Variants in BACH1 observed in about 807,000 individuals in gnomAD.
The protein encoded by BACH1 is BTB domain and CNC homolog 1, also known as transcription regulator protein BACH1.
A neutral mutation model predicts 52.9 loss-of-function variants in BACH1; 35 were observed. That is an observed-to-expected ratio of 0.66 (90% CI 0.51 to 0.88). BACH1 has a LOEUF of 0.88. BACH1 is among the 40% of genes least tolerant of loss of function. The probability of loss-of-function intolerance (pLI) is 0.00; values close to 1 mark genes in which losing one functional copy is unlikely to be tolerated. For missense variants in BACH1, 808 were observed against 872.6 expected (o/e 0.93, Z 0.93); for synonymous variants, 321 against 319.6 (o/e 1.00, Z -0.05).
chr21:29,318,359 A>G (rs2123429880), intron 1 of BACH1, among the ~76,000 whole-genome samples: 1 of 152,312 alleles, frequency 6.6e-6, no homozygotes, highest in East Asian at 1.9e-4. Context: ...CAGCTGAGGA[A>G]GGAATGAGGA....
intron 1 of BACH1, among the ~76,000 whole-genome samples, chr21:29,301,202 TAG>T (rs1304007454): frequency 1.3e-5 from 2 of 152,206 alleles, no homozygotes; most frequent in Admixed American, 1.3e-4. Context: ...TTGTAAGTAT[TAG>T]GGCCTCCAAG....
intron 2 of BACH1, among the ~76,000 whole-genome samples, chr21:29,322,239 T>C (rs892448491): frequency 2.6e-5 from 4 of 152,152 alleles, no homozygotes; most frequent in African/African-American, 9.7e-5. Flanking sequence ...AGCCAAACCA[T>C]ATCACTAGGT....
intron 4 of BACH1, among the ~76,000 whole-genome samples, chr21:29,330,441 A>G (rs2088967502): frequency 6.6e-6 from 1 of 151,990 alleles, no homozygotes; most frequent in Non-Finnish European, 1.5e-5. Flanking sequence ...CGGCCTCCCA[A>G]AGGGATTTCA....
chr21:29,355,903 G>A (rs2089231687), intron 2 of BACH1, among the ~76,000 whole-genome samples: 1 of 152,148 alleles, frequency 6.6e-6, no homozygotes, highest in African/African-American at 2.4e-5. Flanking sequence ...TACTATCCCT[G>A]ACTGATTAGT....
At chr21:29,361,314 G>A (rs557643550) in intron 2 of BACH1, 1 of 152,162 alleles carries the variant, frequency 6.6e-6, no homozygotes, top group Non-Finnish European at 1.5e-5. Flanking sequence ...CAATAATTGG[G>A]TTAAGGCTTG....
intron 1 of BACH1, among the ~76,000 whole-genome samples, chr21:29,308,970 C>G (rs1011569594): frequency 2.0e-5 from 3 of 152,074 alleles, no homozygotes; most frequent in Non-Finnish European, 4.4e-5. Context: ...GAAATTAATT[C>G]ACCAGACCCG....
intron 1 of BACH1, among the ~76,000 whole-genome samples, chr21:29,316,210 A>G (rs1449904560): frequency 6.6e-6 from 1 of 152,180 alleles, no homozygotes; most frequent in African/African-American, 2.4e-5. Flanking sequence ...CCTTTAAATA[A>G]ATTATATAAT....
chr21:29,331,468 A>T (rs1371987674), intron 4 of BACH1, among the ~76,000 whole-genome samples: 5 of 152,254 alleles, frequency 3.3e-5, no homozygotes, highest in African/African-American at 7.2e-5. Flanking sequence ...ATTATCCTTT[A>T]GAACTACTCT....
At position 29,329,562 on chromosome 21, in the gene BACH1, A is replaced by G; in HGVS notation, c.1645A>G (p.Lys549Glu). 3 of 1,605,418 alleles carry G rather than the reference A, an allele frequency of 1.9e-6. No individual in the cohort carries two copies. Among genetic ancestry groups the G allele is most frequent in the Non-Finnish European group, 2.5e-6 (3 of 1,177,252 alleles). ...TTTTCAGTCCTTGTTGAAAATGCACAAGCTTACTCCAGAACAGCTGGATTG... is the reference window on the plus strand; with the variant it reads ...TTTTCAGTCCTTGTTGAAAATGCACGAGCTTACTCCAGAACAGCTGGATTG... ...NDFQSLLKMH[K>E]LTPEQLDCIH... Residue 549 changes from lysine (K) to glutamate (E), a missense_variant, in exon 4 of 5, where the codon AAG becomes GAG. Coordinates refer to ENST00000286800, the MANE Select transcript of BACH1 (RefSeq NM_001186.4).
chr21:29,330,529 GTTTACTCCTCTTTCT>G (rs2088968476), intron 4 of BACH1, among the ~76,000 whole-genome samples: 1 of 152,022 alleles, frequency 6.6e-6, no homozygotes, highest in Non-Finnish European at 1.5e-5. Flanking sequence ...AAATTGATTA[GTTTACTCCTCTTTCT>G]TTTTTCCGTT....
chr21:29,326,900 A>G lies in BACH1; in HGVS notation c.1076A>G (p.Lys359Arg). Residue 359 changes from lysine (K) to arginine (R), a missense_variant, in exon 3 of 5, where the codon AAA (lysine) becomes AGA (arginine). Coordinates refer to ENST00000286800, the MANE Select transcript of BACH1 (RefSeq NM_001186.4). ...KPLSGTDVQE[K>R]TFGESQDLPL... ...TTGTCAGGTACAGACGTCCAAGAAA[A>G]AACATTTGGTGAAAGTCAGGATTTA... 1 of 1,614,240 alleles carries G rather than the reference A, an allele frequency of 6.2e-7. No homozygotes were observed. The highest frequency in any genetic ancestry group is 2.2e-5 in the East Asian group (1 of 44,884).
At chr21:29,349,526 T>G (rs2089190478), downstream of BACH1, among the ~76,000 whole-genome samples, 1 of 152,140 alleles carries the variant, frequency 6.6e-6, no homozygotes, top group Non-Finnish European at 1.5e-5. Flanking sequence ...ACATTTAATT[T>G]ATTCCATGTT....
In BACH1 at chr21:29,321,422, C is replaced by T; in HGVS notation, c.142C>T (p.His48Tyr). 6.2e-7 allele frequency: 1 copy of T among 1,614,216 alleles called. No individual in the cohort carries two copies. The highest frequency in any genetic ancestry group is 8.5e-7 in the Non-Finnish European group (1 of 1,180,044). The stretch of plus-strand genomic sequence containing the variant: ...TGTGGAGGGACAGCGGTTCCGCGCT[C>T]ACCGGTCCGTGCTGGCGGCATGCAG... ...IFVEGQRFRAHRSVLAACSSY... is the reference protein window; with the variant it reads ...IFVEGQRFRAYRSVLAACSSY... The change falls in exon 2 of 5, where the codon CAC (histidine) becomes TAC (tyrosine). Residue 48 changes from histidine (H) to tyrosine (Y), a missense_variant. Physicochemically the swap from His to Tyr is moderately conservative, Grantham distance 83. Transcript: ENST00000286800.
intron 1 of BACH1, among the ~76,000 whole-genome samples, chr21:29,306,827 CAATCA>C (rs1019960168): frequency 1.1e-4 from 16 of 151,984 alleles, no homozygotes; most frequent in African/African-American, 3.6e-4. Context: ...AGCACTTTTA[CAATCA>C]AATCAAATCA....
Position 29,310,808 on chromosome 21 carries a change from GA to G in BACH1, c.-60-10409del, listed in dbSNP as rs1167812564. The stretch of plus-strand genomic sequence containing the variant: ...TAAATGGTTTCCACGGAGTGGAGGG[GA>G]AAAGGCTTGTTTGAGTGGCCTCAAA... On this transcript the variant is annotated intron_variant, in intron 1 of 4. Transcript: ENST00000286800. 3.3e-5 allele frequency among the ~76,000 whole-genome samples: 5 copies of G among 152,370 alleles called. No individual in the cohort carries two copies. In the South Asian group the frequency reaches 1.0e-3, roughly 32 times the overall value.
At chr21:29,303,234 T>C (rs898760170) in intron 1 of BACH1, among the ~76,000 whole-genome samples, 3 of 152,274 alleles carry the variant, frequency 2.0e-5, no homozygotes, top group Non-Finnish European at 2.9e-5. Context: ...GAAATGGATA[T>C]GAATACAATG....
In BACH1 at chr21:29,327,398, G is replaced by C; in HGVS notation, c.1569+5G>C. On this transcript the variant is annotated splice_donor_5th_base_variant and intron_variant, in intron 3 of 4. Transcript: ENST00000286800. ...GCCAGAGAACAAGAATGTGAGGTGAGCAGGAATATGTTCTTAATTCATTGT... is the reference window on the plus strand; with the variant it reads ...GCCAGAGAACAAGAATGTGAGGTGACCAGGAATATGTTCTTAATTCATTGT... 1 of 1,608,698 alleles carries C rather than the reference G, an allele frequency of 6.2e-7. No homozygotes were observed. Among genetic ancestry groups the C allele is most frequent in the South Asian group, 1.1e-5 (1 of 90,680 alleles).
intron 4 of BACH1, among the ~76,000 whole-genome samples, chr21:29,341,677 T>C (rs1161559524): frequency 6.6e-6 from 1 of 152,214 alleles, no homozygotes; most frequent in Non-Finnish European, 1.5e-5. Context: ...CTTCACACTT[T>C]AGTAACTCAC....
rs547963343 is a variant in BACH1, at chr21:29,354,686, G to A, written c.472+24993G>A. Among the ~76,000 whole-genome samples the A allele has an allele frequency of 2.6e-5, 4 of 152,332 alleles. No individual in the cohort carries two copies. In the South Asian group the frequency reaches 8.3e-4, roughly 32 times the overall value. On this transcript the variant is annotated intron_variant, in intron 2 of 4. Transcript: ENST00000422809. The stretch of plus-strand genomic sequence containing the variant: ...GAACACGAGGTCAGAGCAGGTTTGT[G>A]GAACCAGGTGTTAAATTCAGTGATG...
Sources: allele counts gnomAD v4.1 joint callset (sites outside exome capture counted in the v4.1 genomes callset), GRCh38; gene constraint gnomAD v4.1.1; transcripts MANE v1.5; gene names NCBI Gene and HGNC (gene_info 2026-07-23, HGNC 2026-07-21).